The following EDC3 variants were observed in gnomAD, a reference collection of about 807,000 sequenced individuals.
The protein encoded by EDC3 is enhancer of mRNA-decapping protein 3.
In EDC3, 20 loss-of-function variants were observed where a neutral mutation model predicts 41.8. That is an observed-to-expected ratio of 0.48 (90% CI 0.34 to 0.70). The LOEUF is 0.70. Ranked by LOEUF, EDC3 falls within the 30% of genes least tolerant of loss-of-function variation. The pLI, the probability that EDC3 is intolerant of heterozygous loss-of-function variation, is 0.01. For missense variants in EDC3, 444 were observed against 636.8 expected (o/e 0.70, Z 3.26); for synonymous variants, 206 against 243.2 (o/e 0.85, Z 1.42).
Position 74,661,743 on chromosome 15 carries a change from AG to A in EDC3, c.485-5676del, listed in dbSNP as rs200534571. Among the ~76,000 whole-genome samples, 270 of 143,614 alleles carry A rather than the reference AG, an allele frequency of 1.9e-3. 17 individuals carry two copies. Among genetic ancestry groups the A allele is most frequent in the Middle Eastern group, 7.6e-3 (2 of 262 alleles). The allele number at this position is 143,614 out of a possible 152,430, so 94.2% of individuals were successfully genotyped here. On this transcript the variant is annotated intron_variant, in intron 3 of 6. Coordinates refer to ENST00000315127, the MANE Select transcript of EDC3 (RefSeq NM_025083.5). Reference sequence around the variant, plus strand: ...GAGACTCTGTCTCAAAAAAAAAAAAAGAAAAAGAAAAAGAAAAAGAAAAAAT... The same window carrying A: ...GAGACTCTGTCTCAAAAAAAAAAAAAAAAAAGAAAAAGAAAAAGAAAAAAT...
intron 1 of EDC3, among the ~76,000 whole-genome samples, chr15:74,676,587 G>A (rs938298942): frequency 1.3e-5 from 2 of 151,960 alleles, no homozygotes; most frequent in African/African-American, 4.8e-5. Flanking sequence ...GACAAAATGG[G>A]GAACTTCTTA....
At chr15:74,675,567 T>C (rs1397005258) in intron 1 of EDC3, among the ~76,000 whole-genome samples, 1 of 149,934 alleles carries the variant, frequency 6.7e-6, no homozygotes, top group Non-Finnish European at 1.5e-5. Flanking sequence ...TTAATAATAA[T>C]AGTAAATTCT....
At chr15:74,645,573 G>T (rs1312999345) in intron 4 of EDC3, among the ~76,000 whole-genome samples, 3 of 144,200 alleles carry the variant, frequency 2.1e-5, no homozygotes, top group East Asian at 2.2e-4. Context: ...TTGGGGGGGG[G>T]GGGGTGCCAG....
chr15:74,647,335 T>C (rs1219441161), intron 4 of EDC3, among the ~76,000 whole-genome samples: 3 of 152,168 alleles, frequency 2.0e-5, no homozygotes, highest in Admixed American at 2.0e-4. Context: ...GTCTAGGCAC[T>C]TGTGGCTCTG....
chr15:74,650,454 A>G (rs972390870), intron 4 of EDC3, among the ~76,000 whole-genome samples: 1 of 152,048 alleles, frequency 6.6e-6, no homozygotes, highest in Non-Finnish European at 1.5e-5. Flanking sequence ...AATCCTGCCC[A>G]TGTTTCAAGG....
rs2062735696 is a variant in EDC3, at chr15:74,671,406, A to C, written c.484+49T>G. On this transcript the variant is annotated intron_variant, in intron 3 of 6. Transcript: ENST00000315127. The surrounding 1 kb of genome is among the most constrained non-coding windows in gnomAD (Gnocchi z 4.6). Reference sequence around the variant, plus strand: ...AAGAGCAGCAGTGCTTATGGCTTATAGCCCTGAAACACCAGATTGAGAAGA... The same window carrying C: ...AAGAGCAGCAGTGCTTATGGCTTATCGCCCTGAAACACCAGATTGAGAAGA... 2.6e-6 allele frequency: 4 copies of C among 1,568,342 alleles called. No homozygotes were observed. Among genetic ancestry groups the C allele is most frequent in the Admixed American group, 1.7e-5 (1 of 57,366 alleles).
intron 1 of EDC3, among the ~76,000 whole-genome samples, chr15:74,688,906 CAA>C (rs371363056): frequency 3.9e-4 from 28 of 72,090 alleles, no homozygotes; most frequent in Admixed American, 5.1e-4. Flanking sequence ...GATGCTGTCT[CAA>C]AAAAAAAAAA....
At chr15:74,664,438 T>G (rs1225839448) in intron 3 of EDC3, among the ~76,000 whole-genome samples, 3 of 152,264 alleles carry the variant, frequency 2.0e-5, no homozygotes, top group Non-Finnish European at 4.4e-5. Flanking sequence ...CCTGTGCCGT[T>G]TTTCTGCCAC....
At chr15:74,659,624 A>T (rs1376423631) in intron 3 of EDC3, among the ~76,000 whole-genome samples, 1 of 151,926 alleles carries the variant, frequency 6.6e-6, no homozygotes, top group Non-Finnish European at 1.5e-5. Flanking sequence ...AAATCTCAGC[A>T]CTTTGGGAGG....
At chr15:74,653,442 A>G (rs1051254074) in intron 4 of EDC3, among the ~76,000 whole-genome samples, 2 of 152,210 alleles carry the variant, frequency 1.3e-5, no homozygotes, top group Admixed American at 6.5e-5. Flanking sequence ...TCGAACACAG[A>G]GAAAACCCCC....
chr15:74,691,211 A>G (rs1394588748), intron 1 of EDC3, among the ~76,000 whole-genome samples: 1 of 152,084 alleles, frequency 6.6e-6, no homozygotes. Flanking sequence ...CTTACTAACC[A>G]GCACTACGAC....
At chr15:74,674,327 T>G (rs2062776648) in intron 2 of EDC3, among the ~76,000 whole-genome samples, 1 of 152,134 alleles carries the variant, frequency 6.6e-6, no homozygotes, top group Non-Finnish European at 1.5e-5. Flanking sequence ...CTAGCCAGTT[T>G]TGAAATCCTA....
intron 1 of EDC3, among the ~76,000 whole-genome samples, chr15:74,681,859 T>G (rs980815672): frequency 6.6e-6 from 1 of 152,176 alleles, no homozygotes; most frequent in Non-Finnish European, 1.5e-5. Context: ...TTCTTAGACT[T>G]GACACCAAAA....
In EDC3 at chr15:74,632,272, A is replaced by G. The variant is rs1596295912; in HGVS notation, c.*340T>C. On this transcript the variant is annotated 3_prime_UTR_variant, in exon 7 of 7. Transcript: ENST00000315127. The surrounding 1 kb of genome is among the most constrained non-coding windows in gnomAD (Gnocchi z 4.0). The stretch of plus-strand genomic sequence containing the variant: ...CAGACAGGACCTGGCCCACTCTTCA[A>G]TGTGTGTGCCCAGGCCCAGTGGCTG... 3.0e-5 allele frequency: 10 copies of G among 337,060 alleles called. No individual in the cohort carries two copies. The East Asian group carries it at 6.3e-4, about 21-fold the overall frequency. The allele number at this position is 337,060 out of a possible 1,614,324, so 20.9% of individuals were successfully genotyped here.
chr15:74,670,927 G>A (rs988184023), intron 3 of EDC3, among the ~76,000 whole-genome samples: 16 of 152,104 alleles, frequency 1.1e-4, no homozygotes, highest in African/African-American at 3.9e-4. Flanking sequence ...CTGAGGATGA[G>A]ACTCAAATCA....
chr15:74,662,474 T>C (rs557093555), intron 3 of EDC3, among the ~76,000 whole-genome samples: 124 of 151,208 alleles, frequency 8.2e-4, no homozygotes, highest in African/African-American at 2.9e-3. Context: ...AATCAAAAGT[T>C]AGAAGTCTAA....
chr15:74,672,217 C>A (rs573793718), intron 2 of EDC3, among the ~76,000 whole-genome samples: 1 of 144,274 alleles, frequency 6.9e-6, no homozygotes, highest in South Asian at 2.2e-4. Context: ...TGCAGTGAGC[C>A]GAGATCCCGC....
chr15:74,652,193 A>C (rs564795260), intron 4 of EDC3, among the ~76,000 whole-genome samples: 75 of 151,096 alleles, frequency 5.0e-4, no homozygotes, highest in African/African-American at 1.8e-3. Context: ...TCTGTAGTCT[A>C]TTTGCCATTA....
chr15:74,638,641 C>T (rs1256013654), intron 5 of EDC3: 2 of 151,984 alleles, frequency 1.3e-5, no homozygotes, highest in Non-Finnish European at 2.9e-5. Flanking sequence ...GCCTAAGTTT[C>T]AGATCCTTAT....
Sources: gnomAD v4.1 joint callset for allele counts (sites outside exome capture counted in the v4.1 genomes callset) on GRCh38, gnomAD v4.1.1 for gene constraint, Gnocchi (gnomAD v3.1) non-coding constraint, MANE v1.5 for transcripts, NCBI Gene and HGNC (gene_info 2026-07-23, HGNC 2026-07-21) for gene names.